The following RALY variants were observed in gnomAD, a reference collection of about 807,000 sequenced individuals.
RALY encodes the protein RNA-binding protein Raly.
Under a neutral mutation model 30.7 loss-of-function variants are expected in RALY, and 15 were observed. The ratio of observed to expected loss-of-function variants is 0.49; its 90% confidence interval spans 0.33 to 0.75. The LOEUF (loss-of-function observed/expected upper bound fraction) is 0.75, where lower values mean the gene tolerates loss of function less well. RALY is among the 30% of genes least tolerant of loss of function. The pLI is 0.02. For missense variants in RALY, 339 were observed against 414.3 expected (o/e 0.82, Z 1.58); for synonymous variants, 177 against 170.8 (o/e 1.04, Z -0.28).
chr20:34,060,778 A>T (rs558636777), intron 2 of RALY, among the ~76,000 whole-genome samples: 2 of 152,344 alleles, frequency 1.3e-5, no homozygotes, highest in South Asian at 4.1e-4. Context: ...ATACTGTGTC[A>T]TATGACCCAC....
intron 2 of RALY, among the ~76,000 whole-genome samples, chr20:34,038,127 C>T (rs1452857443): frequency 1.3e-5 from 2 of 152,188 alleles, no homozygotes; most frequent in African/African-American, 4.8e-5. Context: ...TCTATGAGGT[C>T]CCGGGTTCCC....
chr20:34,019,074 C>A (rs1361231849), intron 1 of RALY, among the ~76,000 whole-genome samples: 1 of 151,938 alleles, frequency 6.6e-6, no homozygotes, highest in Non-Finnish European at 1.5e-5. Flanking sequence ...TGTAATCCCA[C>A]CACTTCAGGA....
intron 2 of RALY, among the ~76,000 whole-genome samples, chr20:34,068,112 C>T (rs1728190055): frequency 3.3e-5 from 5 of 152,148 alleles, no homozygotes; most frequent in African/African-American, 9.7e-5. Flanking sequence ...ATTTGCTTCT[C>T]TCCTTTCCCC....
intron 1 of RALY, among the ~76,000 whole-genome samples, chr20:33,995,967 C>T (rs1419283035): frequency 2.0e-5 from 3 of 152,312 alleles, no homozygotes; most frequent in East Asian, 3.9e-4. Flanking sequence ...ATAGTCCCCA[C>T]CCCTTTCTGT....
At chr20:33,999,631 T>C (rs1303853878) in intron 1 of RALY, among the ~76,000 whole-genome samples, 2 of 152,202 alleles carry the variant, frequency 1.3e-5, no homozygotes, top group Non-Finnish European at 2.9e-5. Flanking sequence ...ACTTCTCTGC[T>C]TACTCTCTGC....
In RALY at chr20:34,080,508, T is replaced by C. The variant is rs2034012041; in HGVS notation, c.*603T>C. On this transcript the variant is annotated 3_prime_UTR_variant, in exon 10 of 10. Transcript: ENST00000246194. Reference sequence around the variant, plus strand: ...CCCCATAGTAGGTCAAGACCTTATCTCTTTCCCCAGCTTCTAAGTCTGGTC... The same window carrying C: ...CCCCATAGTAGGTCAAGACCTTATCCCTTTCCCCAGCTTCTAAGTCTGGTC... 6.6e-6 allele frequency: 1 copy of C among 152,336 alleles called. No homozygotes were observed. The highest frequency in any genetic ancestry group is 1.5e-5 in the Non-Finnish European group (1 of 68,072). 9.4% of individuals were successfully genotyped at this position (152,336 alleles called of 1,614,324 possible).
intron 2 of RALY, among the ~76,000 whole-genome samples, chr20:34,044,086 G>C (rs1388040968): frequency 6.6e-6 from 1 of 152,004 alleles, no homozygotes; most frequent in Non-Finnish European, 1.5e-5. Context: ...AAGCTTATGT[G>C]GGTGTTTCAG....
chr20:34,076,317 C>T, intron 6 of RALY: 2 of 530,004 alleles, frequency 3.8e-6, no homozygotes, highest in Non-Finnish European at 6.8e-6. Context: ...CAGGTCTACC[C>T]AGGCCCATTA....
In RALY at chr20:34,083,932, A is replaced by G. The variant is rs2122363743; in HGVS notation, c.*4027A>G. 6.6e-6 allele frequency: 1 copy of G among 152,368 alleles called. No individual in the cohort carries two copies. The highest frequency in any genetic ancestry group is 2.1e-4 in the South Asian group (1 of 4,828). The allele number at this position is 152,368 out of a possible 1,614,324, so 9.4% of individuals were successfully genotyped here. On this transcript the variant is annotated 3_prime_UTR_variant, in exon 10 of 10. Coordinates refer to ENST00000246194, the MANE Select transcript of RALY (RefSeq NM_016732.3). ...CTCCACCAGTAGCCAGATTCTTCAT[A>G]ATAAACTTCCTCCATAACAGTAAAC...
At chr20:34,004,918 G>T (rs1299467261) in intron 1 of RALY, among the ~76,000 whole-genome samples, 1 of 152,186 alleles carries the variant, frequency 6.6e-6, no homozygotes, top group Non-Finnish European at 1.5e-5. Flanking sequence ...ATTTTGTGTA[G>T]TTTTACCAAA....
At chr20:34,039,503 T>C (rs1053092251) in intron 2 of RALY, among the ~76,000 whole-genome samples, 2 of 152,236 alleles carry the variant, frequency 1.3e-5, no homozygotes. Context: ...TGAAATTTCA[T>C]TGGCCCCTTT....
rs756941709 is a variant in RALY at position 34,077,093 on chromosome 20, G to A, written c.724G>A (p.Gly242Ser). 25 of 1,604,842 alleles carry A rather than the reference G, an allele frequency of 1.6e-5. No individual in the cohort carries two copies. Among genetic ancestry groups the A allele is most frequent in the African/African-American group, 5.4e-5 (4 of 74,718 alleles). The change falls in exon 8 of 10, where the codon GGT becomes AGT. Residue 242 changes from glycine (G) to serine (S), a missense_variant. Coordinates refer to ENST00000246194, the MANE Select transcript of RALY (RefSeq NM_016732.3). Reference protein sequence around the residue: ...GGGGGGGSGGGGSGGGGGGGS... With the variant: ...GGGGGGGSGGSGSGGGGGGGS... ...CGGCGGTGGTGGTGGCAGCGGTGGC[G>A]GTGGCAGTGGTGGTGGCGGTGGCGG...
intron 2 of RALY, among the ~76,000 whole-genome samples, chr20:34,038,932 G>A (rs1411913414): frequency 6.6e-6 from 1 of 152,182 alleles, no homozygotes; most frequent in African/African-American, 2.4e-5. Context: ...GTAGGAGAGT[G>A]TGGCGATCCA....
intron 1 of RALY, among the ~76,000 whole-genome samples, chr20:34,006,854 C>A (rs553998239): frequency 2.0e-5 from 3 of 152,290 alleles, no homozygotes; most frequent in African/African-American, 4.8e-5. Context: ...CCTAATGATG[C>A]ATTTCTCAGA....
intron 1 of RALY, among the ~76,000 whole-genome samples, chr20:34,011,885 A>T (rs1361177169): frequency 6.6e-6 from 1 of 152,012 alleles, no homozygotes; most frequent in African/African-American, 2.4e-5. Context: ...GGCCAACATG[A>T]TGAAACCCCA....
chr20:34,064,887 T>G (rs1393462859), intron 2 of RALY, among the ~76,000 whole-genome samples: 1 of 152,234 alleles, frequency 6.6e-6, no homozygotes, highest in Admixed American at 6.5e-5. Flanking sequence ...TTGAGGACTC[T>G]GAGGCCCAGC....
rs141051436 is a variant in RALY at position 34,046,395 on chromosome 20, A to G, written c.-10+14791A>G. 2.1e-3 allele frequency among the ~76,000 whole-genome samples: 325 copies of G among 152,318 alleles called. 1 individual carries two copies. Among genetic ancestry groups the G allele is most frequent in the African/African-American group, 7.6e-3 (314 of 41,572 alleles). On this transcript the variant is annotated intron_variant, in intron 2 of 9. Transcript: ENST00000246194. ...GGTTTTCCTGTTTGTAAATGAGGCT[A>G]TTAACACCTGCTTCATGGGGTCATT...
intron 2 of RALY, among the ~76,000 whole-genome samples, chr20:34,039,605 AG>A (rs2032621884): frequency 6.6e-6 from 1 of 152,174 alleles, no homozygotes; most frequent in Non-Finnish European, 1.5e-5. Context: ...GGCTTTGTCT[AG>A]CCCTAGAGTA....
At chr20:34,048,869 A>AAAAAT (rs2032979518) in intron 2 of RALY, among the ~76,000 whole-genome samples, 1 of 151,526 alleles carries the variant, frequency 6.6e-6, no homozygotes, top group Non-Finnish European at 1.5e-5. Context: ...AAAAAAAAAA[A>AAAAAT]AATTTTCTCT....
Sources: gnomAD v4.1 joint callset for allele counts (sites outside exome capture counted in the v4.1 genomes callset) on GRCh38, gnomAD v4.1.1 for gene constraint, MANE v1.5 for transcripts, NCBI Gene and HGNC (gene_info 2026-07-23, HGNC 2026-07-21) for gene names.